Variants in CCDC158 observed in about 807,000 individuals in gnomAD.
CCDC158 encodes coiled-coil domain containing 158, also known as coiled-coil domain-containing protein 158.
In CCDC158, 116 loss-of-function variants were observed where a neutral mutation model predicts 138.6. The observed-to-expected ratio is 0.84, with a 90% CI of 0.72 to 0.98. The LOEUF (loss-of-function observed/expected upper bound fraction) is 0.98, where lower values mean the gene tolerates loss of function less well. Ranked by LOEUF, CCDC158 falls within the 50% of genes least tolerant of loss-of-function variation. The pLI, the probability that CCDC158 is intolerant of heterozygous loss-of-function variation, is 0.00. For synonymous variants in CCDC158, 436 were observed against 442.4 expected (o/e 0.99, Z 0.18); for missense variants, 1,265 against 1,306.1 (o/e 0.97, Z 0.48).
chr4:76,339,636 T>C (rs891502928), intron 18 of CCDC158, among the ~76,000 whole-genome samples: 1 of 152,232 alleles, frequency 6.6e-6, no homozygotes, highest in African/African-American at 2.4e-5. Context: ...AATGTTTACA[T>C]ATCAGGGAAA....
At chr4:76,324,164 A>AAGAGAATG (rs1039821612) in intron 23 of CCDC158, among the ~76,000 whole-genome samples, 1 of 152,072 alleles carries the variant, frequency 6.6e-6, no homozygotes, top group African/African-American at 2.4e-5. Context: ...ACTCCAGTTT[A>AAGAGAATG]AGAGAATGAG....
intron 9 of CCDC158, among the ~76,000 whole-genome samples, chr4:76,374,415 C>T (rs564339816): frequency 6.6e-6 from 1 of 152,188 alleles, no homozygotes; most frequent in African/African-American, 2.4e-5. Flanking sequence ...GGAATGGGTA[C>T]ATGAACATGA....
chr4:76,326,404 A>G (rs1720535051), intron 22 of CCDC158, among the ~76,000 whole-genome samples: 1 of 152,220 alleles, frequency 6.6e-6, no homozygotes, highest in Non-Finnish European at 1.5e-5. Context: ...AACCAGGCAT[A>G]TAAGGAGACA....
intron 15 of CCDC158, among the ~76,000 whole-genome samples, chr4:76,355,021 G>T (rs547138864): frequency 6.6e-6 from 1 of 152,184 alleles, no homozygotes; most frequent in African/African-American, 2.4e-5. Flanking sequence ...ACACAATTTT[G>T]CATAGCACAG....
At chr4:76,320,030 T>C (rs559408762) in intron 24 of CCDC158, among the ~76,000 whole-genome samples, 2 of 152,258 alleles carry the variant, frequency 1.3e-5, no homozygotes, top group African/African-American at 4.8e-5. Context: ...TATGATCCTA[T>C]GCCTAGAAAA....
At chr4:76,347,487 C>T (rs1193963835) in intron 18 of CCDC158, among the ~76,000 whole-genome samples, 1 of 152,054 alleles carries the variant, frequency 6.6e-6, no homozygotes, top group Non-Finnish European at 1.5e-5. Flanking sequence ...TGTTCTCACT[C>T]ATAAGTGGGA....
intron 1 of CCDC158, among the ~76,000 whole-genome samples, chr4:76,414,634 T>C (rs1729550783): frequency 6.6e-6 from 1 of 152,222 alleles, no homozygotes; most frequent in African/African-American, 2.4e-5. Flanking sequence ...GATGAGGTAA[T>C]TGAATCATGG....
intron 2 of CCDC158, among the ~76,000 whole-genome samples, chr4:76,407,646 C>G (rs1456556954): frequency 6.6e-6 from 1 of 152,098 alleles, no homozygotes; most frequent in East Asian, 1.9e-4. Flanking sequence ...GTAATGTTAT[C>G]ATGAATTAGA....
At chr4:76,369,772 T>A in intron 10 of CCDC158, 149 bp from the exon 11 acceptor site, 2 of 682,270 alleles carry the variant, frequency 2.9e-6, no homozygotes, top group Non-Finnish European at 4.8e-6. Context: ...TTAAGAGCAA[T>A]TATTTCCAAG....
chr4:76,362,315 T>C lies in CCDC158; in HGVS notation c.1831A>G (p.Ile611Val), dbSNP rs749275468. The C allele has an allele frequency of 1.9e-6, 3 of 1,604,090 alleles. No individual in the cohort carries two copies. Among genetic ancestry groups the C allele is most frequent in the African/African-American group, 2.7e-5 (2 of 74,316 alleles). The change falls in exon 13 of 25, where the codon ATA becomes GTA. Residue 611 changes from isoleucine (I) to valine (V), a missense_variant and splice_region_variant. Transcript: ENST00000682701. ...DRRMELKELK[I>V]LKDKKDAKIR... ...TTTGCATCTTTTTTATCTTTTAATA[T>C]CTAAATATATGGATAAATACAAAGG...
intron 1 of CCDC158, among the ~76,000 whole-genome samples, chr4:76,413,160 G>A: frequency 6.6e-6 from 1 of 151,716 alleles, no homozygotes; most frequent in Non-Finnish European, 1.5e-5. Context: ...AAGATTTTTG[G>A]AATATCTCGG....
At position 76,353,206 on chromosome 4, in the gene CCDC158, T is replaced by C. The variant is rs754691376; in HGVS notation, c.2362A>G (p.Met788Val). 2 of 1,613,776 alleles carry C rather than the reference T, an allele frequency of 1.2e-6. No homozygotes were observed. Among genetic ancestry groups the C allele is most frequent in the East Asian group, 2.2e-5 (1 of 44,860 alleles). Residue 788 changes from methionine (M) to valine (V), a missense_variant, in exon 16 of 25, where the codon ATG becomes GTG. Met to Val is a conservative substitution (Grantham distance 21). Transcript: ENST00000682701. ...LSTVATEKNKMAGELEVLRSQ... is the reference protein window; with the variant it reads ...LSTVATEKNKVAGELEVLRSQ... ...CGCAGAACTTCCAACTCCCCAGCCA[T>C]CTTGTTTTTTTCTGTGGCAACAGTA...
intron 18 of CCDC158, 42 bp downstream of exon 18, chr4:76,350,954 C>T (rs775797610): frequency 5.7e-6 from 9 of 1,577,606 alleles, no homozygotes; most frequent in Non-Finnish European, 7.8e-6. Context: ...ATTACTTACG[C>T]ATATGTCATT....
At chr4:76,409,110 T>C (rs953657163) in intron 2 of CCDC158, among the ~76,000 whole-genome samples, 4 of 152,218 alleles carry the variant, frequency 2.6e-5, no homozygotes, top group African/African-American at 9.6e-5. Context: ...GTAGTTATTT[T>C]GTGTGTGTAT....
intron 18 of CCDC158, among the ~76,000 whole-genome samples, chr4:76,349,700 TTAAG>T (rs1356966078): frequency 2.0e-5 from 3 of 152,072 alleles, no homozygotes; most frequent in Non-Finnish European, 4.4e-5. Context: ...AAATAAATAC[TTAAG>T]TTAAAATTTA....
chr4:76,314,636 G>A (rs752860567), intron 24 of CCDC158, among the ~76,000 whole-genome samples: 5 of 152,200 alleles, frequency 3.3e-5, no homozygotes, highest in African/African-American at 4.8e-5. Flanking sequence ...GATTACGGGA[G>A]AAGGATTTAA....
intron 18 of CCDC158, among the ~76,000 whole-genome samples, chr4:76,339,533 CT>C (rs1267735551): frequency 2.6e-5 from 4 of 152,234 alleles, no homozygotes; most frequent in Non-Finnish European, 5.9e-5. Flanking sequence ...TTGTTTTGTG[CT>C]GTGTATTTTT....
intron 18 of CCDC158, among the ~76,000 whole-genome samples, chr4:76,348,150 C>A (rs1011481715): frequency 6.6e-6 from 1 of 151,292 alleles, no homozygotes; most frequent in Non-Finnish European, 1.5e-5. Flanking sequence ...TAATGCCGGG[C>A]GCGGTGGCTC....
chr4:76,325,928 A>C lies in CCDC158; in HGVS notation c.3098T>G (p.Val1033Gly). 6.2e-7 allele frequency: 1 copy of C among 1,613,722 alleles called. No homozygotes were observed. The highest frequency in any genetic ancestry group is 8.5e-7 in the Non-Finnish European group (1 of 1,179,604). The change falls in exon 23 of 25, where the codon GTT becomes GGT. Residue 1033 changes from valine to glycine, a missense_variant. Val to Gly is a moderately radical substitution (Grantham distance 109). Coordinates refer to ENST00000682701, the MANE Select transcript of CCDC158 (RefSeq NM_001394954.1). ...TGATGTGGAACCTATTGAACCTTCA[A>C]CTGAACTAGTTAGGAGTGAGTGCAC... is the stretch of plus-strand genomic sequence containing the variant. ...SPVHSLLTSS[V>G]EGSIGSTSQY...
Sources: allele counts gnomAD v4.1 joint callset (sites outside exome capture counted in the v4.1 genomes callset), GRCh38; gene constraint gnomAD v4.1.1; transcripts MANE v1.5; gene names NCBI Gene and HGNC (gene_info 2026-07-23, HGNC 2026-07-21).